MAPKAPK2: variants seen among roughly 807,000 people sequenced by gnomAD.
The protein encoded by MAPKAPK2 is MAPK activated protein kinase 2, also known as MAP kinase-activated protein kinase 2.
Under a neutral mutation model 48.8 loss-of-function variants are expected in MAPKAPK2, and 9 were observed. The observed-to-expected ratio is 0.18, with a 90% CI of 0.11 to 0.32. The LOEUF is 0.32. Among genes scored for constraint, MAPKAPK2 ranks in the 10% least tolerant of loss-of-function variants. MAPKAPK2 has a pLI of 1.00. For synonymous variants in MAPKAPK2, 202 were observed against 190.6 expected, an observed-to-expected ratio of 1.06 and a Z score of -0.49; for missense variants, 331 against 498.3, an observed-to-expected ratio of 0.66 and a Z score of 3.20.
intron 1 of MAPKAPK2, among the ~76,000 whole-genome samples, chr1:206,688,963 T>C (rs964390334): frequency 2.0e-5 from 3 of 152,110 alleles, no homozygotes; most frequent in African/African-American, 7.2e-5. Flanking sequence ...GGACACCTAG[T>C]CTCAACCCAC....
chr1:206,729,287 TG>T, intron 3 of MAPKAPK2, 108 bp from the exon 4 acceptor site: 1 of 1,111,722 alleles, frequency 9.0e-7, no homozygotes, highest in Non-Finnish European at 1.4e-6. Context: ...GTGGTGGCTG[TG>T]GGGAGCCTCA....
intron 1 of MAPKAPK2, among the ~76,000 whole-genome samples, chr1:206,720,137 C>G (rs929200764): frequency 6.6e-6 from 1 of 152,336 alleles, no homozygotes; most frequent in Admixed American, 6.5e-5. Context: ...TTTCCGGAAG[C>G]CCCAGAGATA....
chr1:206,728,517 A>G lies in MAPKAPK2; in HGVS notation c.280-193A>G, dbSNP rs531245173. Among the ~76,000 whole-genome samples the G allele has an allele frequency of 2.0e-5, 3 of 151,144 alleles. No individual in the cohort carries two copies. The South Asian group carries it at 6.3e-4, about 32-fold the overall frequency. On this transcript the variant is annotated intron_variant, in intron 1 of 9. Coordinates refer to ENST00000367103, the MANE Select transcript of MAPKAPK2 (RefSeq NM_032960.4). ...TAGCTGTCAAGGCCCCAAGAGAGTCATCATGAGATTTCATATAGAGCAGAT... is the reference window on the plus strand; with the variant it reads ...TAGCTGTCAAGGCCCCAAGAGAGTCGTCATGAGATTTCATATAGAGCAGAT...
intron 3 of MAPKAPK2, 105 bp from the exon 4 acceptor site, chr1:206,729,291 G>T: frequency 8.9e-7 from 1 of 1,124,784 alleles, no homozygotes; most frequent in Non-Finnish European, 1.3e-6. Flanking sequence ...TGGCTGTGGG[G>T]AGCCTCAGGC....
Position 206,709,717 on chromosome 1 carries a change from A to G in MAPKAPK2, c.280-18993A>G, listed in dbSNP as rs181686453. On this transcript the variant is annotated intron_variant, in intron 1 of 9. Coordinates refer to ENST00000367103, the MANE Select transcript of MAPKAPK2 (RefSeq NM_032960.4). ...GGTACTATTCAAATTAGCTTAATAA[A>G]AACTCCTTGATTTAAAACTAGGGTA... Among the ~76,000 whole-genome samples, 15 of 152,304 alleles carry G rather than the reference A, an allele frequency of 9.8e-5. No homozygotes were observed. The East Asian group carries it at 2.3e-3, about 23-fold the overall frequency.
Position 206,732,509 on chromosome 1 carries a change from T to A in MAPKAPK2, c.1060-66T>A. ...TTGTCTCTGTCTCTCACGTCTCTCT[T>A]CTGCTGTCTCTCCTACCTGTCTTCT... On this transcript the variant is annotated intron_variant, in intron 9 of 9. Coordinates refer to ENST00000367103, the MANE Select transcript of MAPKAPK2 (RefSeq NM_032960.4). The surrounding 1 kb of genome is among the most constrained non-coding windows in gnomAD (Gnocchi z 4.4). The A allele has an allele frequency of 6.3e-7, 1 of 1,593,886 alleles. No individual in the cohort carries two copies. The highest frequency in any genetic ancestry group is 1.1e-5 in the South Asian group (1 of 88,618).
chr1:206,693,784 C>T (rs955015813), intron 1 of MAPKAPK2, among the ~76,000 whole-genome samples: 1 of 152,200 alleles, frequency 6.6e-6, no homozygotes, highest in Non-Finnish European at 1.5e-5. Flanking sequence ...TCTCCACCTC[C>T]GCAGTGTGAG....
Position 206,731,300 on chromosome 1 carries a change from G to A in MAPKAPK2, c.892+38G>A, listed in dbSNP as rs184349902. 0.032 allele frequency: 28,543 copies of A among 890,542 alleles called. 161 individuals carry two copies. The highest frequency in any genetic ancestry group is 0.037 in the South Asian group (1,942 of 51,918). The allele number at this position is 890,542 out of a possible 1,614,324, so 55.2% of individuals were successfully genotyped here. A position where few individuals can be genotyped will look rare whatever the true frequency, so the allele number is the denominator to read the frequency against. On this transcript the variant is annotated intron_variant, in intron 7 of 9. Transcript: ENST00000367103. The surrounding 1 kb of genome is among the most constrained non-coding windows in gnomAD (Gnocchi z 5.9). Reference sequence around the variant, plus strand: ...GCTTTCAGGACAAGGGGAAGAGCCCGTGTGTGTGTGTGTGTGTGTATGTGT... The same window carrying A: ...GCTTTCAGGACAAGGGGAAGAGCCCATGTGTGTGTGTGTGTGTGTATGTGT...
intron 1 of MAPKAPK2, 104 bp from the exon 2 acceptor site, chr1:206,728,606 G>A: frequency 7.4e-7 from 1 of 1,356,342 alleles, no homozygotes; most frequent in South Asian, 1.4e-5. Context: ...AGCAGGAGTG[G>A]GGGGTTTGTG....
chr1:206,693,140 A>T (rs782695789), intron 1 of MAPKAPK2, among the ~76,000 whole-genome samples: 1 of 152,088 alleles, frequency 6.6e-6, no homozygotes, highest in East Asian at 1.9e-4. Flanking sequence ...TTAATGATCC[A>T]CATTGTTAGG....
intron 3 of MAPKAPK2, 103 bp downstream of exon 3, chr1:206,729,202 C>T (rs1673815955): frequency 1.5e-5 from 20 of 1,299,676 alleles, no homozygotes; most frequent in Admixed American, 3.4e-5. Context: ...GCTGAGGCTG[C>T]TGCCCCCTCC....
intron 1 of MAPKAPK2, among the ~76,000 whole-genome samples, chr1:206,697,063 C>A (rs1287210338): frequency 1.3e-5 from 2 of 152,216 alleles, no homozygotes; most frequent in Non-Finnish European, 2.9e-5. Context: ...TTACAAGGAC[C>A]CTGACCACAG....
In MAPKAPK2 at chr1:206,704,573, C is replaced by A. The variant is rs1229035731; in HGVS notation, c.279+19065C>A. Among the ~76,000 whole-genome samples, 4 of 152,114 alleles carry A rather than the reference C, an allele frequency of 2.6e-5. No individual in the cohort carries two copies. The South Asian group carries it at 6.2e-4, about 24-fold the overall frequency. On this transcript the variant is annotated intron_variant, in intron 1 of 9. Coordinates refer to ENST00000367103, the MANE Select transcript of MAPKAPK2 (RefSeq NM_032960.4). This position sits in a 1 kb window ranked among gnomAD's most constrained non-coding sequence, Gnocchi z 4.3. ...GACTTGATGAGGGAATAAAACCAGC[C>A]GGCTCATCTAGGGGCTGATATCTGT...
rs782585300 is a variant in MAPKAPK2 at position 206,731,141 on chromosome 1, G to A, written c.771G>A (p.Leu257=). The part of the protein sequence containing the change: ...WSLGVIMYIL[L]CGYPPFYSNH... ...TTCCTTCCTCCTGTTGATGCAGGCT[G>A]TGTGGGTATCCCCCCTTCTACTCCA... Residue 257 remains leucine (L), a synonymous_variant, in exon 7 of 10, where the codon CTG becomes CTA. Transcript: ENST00000367103. The surrounding 1 kb of genome is among the most constrained non-coding windows in gnomAD (Gnocchi z 5.9). The A allele has an allele frequency of 1.2e-6, 2 of 1,614,084 alleles. No individual in the cohort carries two copies. Among genetic ancestry groups the A allele is most frequent in the African/African-American group, 1.3e-5 (1 of 74,926 alleles).
chr1:206,702,990 C>T (rs1466513571), intron 1 of MAPKAPK2, among the ~76,000 whole-genome samples: 1 of 152,220 alleles, frequency 6.6e-6, no homozygotes, highest in Non-Finnish European at 1.5e-5. Context: ...GACTGCTATG[C>T]ACTCAAATTA....
At chr1:206,708,570 A>G (rs1553428974) in intron 1 of MAPKAPK2, among the ~76,000 whole-genome samples, 2 of 152,318 alleles carry the variant, frequency 1.3e-5, no homozygotes, top group East Asian at 3.9e-4. Flanking sequence ...ATCTCAGCAT[A>G]CATAGGCATT....
In MAPKAPK2 at chr1:206,729,880, G is replaced by A. The variant is rs1015511033; in HGVS notation, c.565-92G>A. On this transcript the variant is annotated intron_variant, in intron 4 of 9. Coordinates refer to ENST00000367103, the MANE Select transcript of MAPKAPK2 (RefSeq NM_032960.4). Reference sequence around the variant, plus strand: ...GGATAGGCAAATGGTTGCTGGATGAGTAGAGGAAGGGAGGAACCAGGATCC... The same window carrying A: ...GGATAGGCAAATGGTTGCTGGATGAATAGAGGAAGGGAGGAACCAGGATCC... 18 of 1,517,238 alleles carry A rather than the reference G, an allele frequency of 1.2e-5. No homozygotes were observed. In the East Asian group the frequency reaches 3.8e-4, roughly 32 times the overall value. The allele number at this position is 1,517,238 out of a possible 1,614,324, so 94.0% of individuals were successfully genotyped here.
intron 1 of MAPKAPK2, among the ~76,000 whole-genome samples, chr1:206,722,176 C>T (rs777415614): frequency 6.6e-6 from 1 of 151,742 alleles, no homozygotes; most frequent in Non-Finnish European, 1.5e-5. Flanking sequence ...CTGGCTAACA[C>T]GGTGAAACCC....
chr1:206,717,317 A>G (rs576397633), intron 1 of MAPKAPK2, among the ~76,000 whole-genome samples: 9 of 152,246 alleles, frequency 5.9e-5, no homozygotes, highest in Admixed American at 2.0e-4. Context: ...ATATAGCAAT[A>G]TTTGCTATAT....
Sources: allele counts gnomAD v4.1 joint callset (sites outside exome capture counted in the v4.1 genomes callset), GRCh38; gene constraint gnomAD v4.1.1; non-coding constraint Gnocchi (gnomAD v3.1); transcripts MANE v1.5; gene names NCBI Gene and HGNC (gene_info 2026-07-23, HGNC 2026-07-21).